Variants in TMTC4 observed in about 807,000 individuals in gnomAD.
TMTC4 encodes protein O-mannosyl-transferase TMTC4.
In TMTC4, 65 loss-of-function variants were observed where a neutral mutation model predicts 86.0. The observed-to-expected ratio is 0.76, with a 90% CI of 0.62 to 0.93. The LOEUF (loss-of-function observed/expected upper bound fraction) is 0.93. Among genes scored for constraint, TMTC4 ranks in the 40% least tolerant of loss-of-function variants. The pLI is 0.00. For synonymous variants in TMTC4, 379 were observed against 382.5 expected (o/e 0.99, Z 0.11); for missense variants, 866 against 948.1 (o/e 0.91, Z 1.14).
At chr13:100,674,407 G>A (rs1324683372) in intron 1 of TMTC4, 3 of 932,680 alleles carry the variant, frequency 3.2e-6, no homozygotes, top group Non-Finnish European at 3.8e-6. Flanking sequence ...CCCGGGCCGA[G>A]GGAGCGCCGG....
chr13:100,630,006 TAAGC>T (rs1414903386), intron 12 of TMTC4, among the ~76,000 whole-genome samples: 1 of 149,704 alleles, frequency 6.7e-6, no homozygotes, highest in Non-Finnish European at 1.5e-5. Flanking sequence ...AACTGTGGTC[TAAGC>T]CACCCAATCT....
intron 6 of TMTC4, among the ~76,000 whole-genome samples, chr13:100,643,442 A>G (rs1883303262): frequency 6.6e-6 from 1 of 152,148 alleles, no homozygotes; most frequent in African/African-American, 2.4e-5. Flanking sequence ...AACGTTACCG[A>G]CCTCAGGATA....
chr13:100,674,779 C>T lies in TMTC4; in HGVS notation c.-243G>A, dbSNP rs1887640730. 2 of 983,910 alleles carry T rather than the reference C, an allele frequency of 2.0e-6. No homozygotes were observed. The highest frequency in any genetic ancestry group is 2.4e-6 in the Non-Finnish European group (2 of 829,342). The allele number at this position is 983,910 out of a possible 1,614,324, so 60.9% of individuals were successfully genotyped here. A position where few individuals can be genotyped will look rare whatever the true frequency, so the allele number is the denominator to read the frequency against. ...CCTGAGCCCCGGCCGCATCTCCCTC[C>T]CGGGTGCGGAAACTCTGGCGGCTCC... On this transcript the variant is annotated 5_prime_UTR_variant, in exon 1 of 19. Coordinates refer to ENST00000342624, the MANE Select transcript of TMTC4 (RefSeq NM_032813.5).
At chr13:100,665,615 C>A (rs1360065708) in intron 3 of TMTC4, among the ~76,000 whole-genome samples, 1 of 152,148 alleles carries the variant, frequency 6.6e-6, no homozygotes, top group Non-Finnish European at 1.5e-5. Context: ...TGGGACAGCC[C>A]GTCTGTACCA....
chr13:100,661,282 A>G (rs1885742523), intron 5 of TMTC4, among the ~76,000 whole-genome samples: 1 of 152,152 alleles, frequency 6.6e-6, no homozygotes. Flanking sequence ...TGTGTGTGAG[A>G]GAGAATGTGT....
At chr13:100,648,877 G>C (rs1884079076) in intron 6 of TMTC4, among the ~76,000 whole-genome samples, 1 of 151,972 alleles carries the variant, frequency 6.6e-6, no homozygotes, top group Non-Finnish European at 1.5e-5. Flanking sequence ...TGTCGAGAAA[G>C]GGGGTCTCAC....
intron 15 of TMTC4, among the ~76,000 whole-genome samples, chr13:100,622,184 A>G (rs529014290): frequency 6.6e-6 from 1 of 152,334 alleles, no homozygotes; most frequent in South Asian, 2.1e-4. Context: ...AGACAAAGGA[A>G]TATCTTGCCA....
intron 15 of TMTC4, chr13:100,623,726 G>A (rs1022276426): frequency 1.7e-4 from 25 of 150,956 alleles, no homozygotes; most frequent in Non-Finnish European, 5.5e-5. Flanking sequence ...AAACTTTATA[G>A]CACATTTTGA....
chr13:100,669,091 A>G (rs1886753429), intron 2 of TMTC4, among the ~76,000 whole-genome samples: 1 of 152,220 alleles, frequency 6.6e-6, no homozygotes, highest in Non-Finnish European at 1.5e-5. Context: ...CCACAAGGCA[A>G]ATCATTTTTA....
At chr13:100,668,832 A>G in intron 2 of TMTC4, 38 bp from the exon 3 acceptor site, 1 of 1,601,002 alleles carries the variant, frequency 6.2e-7, no homozygotes, top group Non-Finnish European at 8.5e-7. Context: ...ATTCATCAAC[A>G]CTGGTAGGAC....
intron 6 of TMTC4, among the ~76,000 whole-genome samples, chr13:100,647,449 A>T (rs1430187683): frequency 6.6e-6 from 1 of 151,738 alleles, no homozygotes; most frequent in African/African-American, 2.4e-5. Flanking sequence ...CTGTTACCTG[A>T]ATTTGTTTTT....
At position 100,605,500 on chromosome 13, in the gene TMTC4, C is replaced by T. The variant is rs1417544375; in HGVS notation, c.2135-358G>A. ...GGAGGTGGGGGTGATGGATGCTAGGCACTGCCCAGAGCCCTGACTATGCAG... is the reference window on the plus strand; with the variant it reads ...GGAGGTGGGGGTGATGGATGCTAGGTACTGCCCAGAGCCCTGACTATGCAG... On this transcript the variant is annotated intron_variant, in intron 18 of 18. Transcript: ENST00000342624. This position sits in a 1 kb window ranked among gnomAD's most constrained non-coding sequence, Gnocchi z 4.3. Among the ~76,000 whole-genome samples the T allele has an allele frequency of 6.6e-6, 1 of 152,168 alleles. No individual in the cohort carries two copies. The highest frequency in any genetic ancestry group is 1.5e-5 in the Non-Finnish European group (1 of 68,036).
chr13:100,620,082 A>G (rs1177453710), intron 15 of TMTC4, among the ~76,000 whole-genome samples: 1 of 152,220 alleles, frequency 6.6e-6, no homozygotes, highest in Non-Finnish European at 1.5e-5. Context: ...GGGAAGCAGA[A>G]AAAGTGGTGA....
chr13:100,609,172 G>A (rs529129274), intron 17 of TMTC4, among the ~76,000 whole-genome samples: 2 of 152,242 alleles, frequency 1.3e-5, no homozygotes, highest in Admixed American at 6.5e-5. Flanking sequence ...GGTGGTGTGT[G>A]GGCCCCACCC....
rs1337904080 is a variant in TMTC4 at position 100,618,451 on chromosome 13, CTTGTTT to C, written c.1837-4027_1837-4022del. 8.5e-3 allele frequency among the ~76,000 whole-genome samples: 701 copies of C among 82,428 alleles called. 6 individuals are homozygous for C. Among genetic ancestry groups the C allele is most frequent in the African/African-American group, 0.013 (331 of 25,372 alleles). The allele number at this position is 82,428 out of a possible 152,430, so 54.1% of individuals were successfully genotyped here. The stretch of plus-strand genomic sequence containing the variant: ...GAATGCTTCCAGATTTTTGTTGCTT[CTTGTTT>C]TTTTTTTTTTTTTAATCTCTCTCTC... On this transcript the variant is annotated intron_variant, in intron 15 of 18. Transcript: ENST00000342624.
chr13:100,615,019 G>A (rs765019916), intron 15 of TMTC4: 86 of 892,294 alleles, frequency 9.6e-5, no homozygotes, highest in Admixed American at 1.2e-4. Flanking sequence ...GTAACTCCTT[G>A]GAAAAGTCTC....
chr13:100,614,083 CCCACCTCGGCCT>C (rs1878083494), intron 16 of TMTC4, among the ~76,000 whole-genome samples: 1 of 151,912 alleles, frequency 6.6e-6, no homozygotes, highest in Non-Finnish European at 1.5e-5. Flanking sequence ...AGGTGATCTG[CCCACCTCGGCCT>C]CCCAAAGCGC....
chr13:100,621,307 G>T (rs1879435404), intron 15 of TMTC4, among the ~76,000 whole-genome samples: 1 of 152,212 alleles, frequency 6.6e-6, no homozygotes, highest in Non-Finnish European at 1.5e-5. Flanking sequence ...AGACTAAGCT[G>T]TGGAGCCTAG....
chr13:100,606,042 G>T (rs1876410551), intron 18 of TMTC4, among the ~76,000 whole-genome samples: 1 of 152,172 alleles, frequency 6.6e-6, no homozygotes, highest in Non-Finnish European at 1.5e-5. Context: ...AATTTACTAG[G>T]AGAACTCTTC....
Sources: allele counts gnomAD v4.1 joint callset (sites outside exome capture counted in the v4.1 genomes callset), GRCh38; gene constraint gnomAD v4.1.1; non-coding constraint Gnocchi (gnomAD v3.1); transcripts MANE v1.5; gene names NCBI Gene and HGNC (gene_info 2026-07-23, HGNC 2026-07-21).